Variants in KIRREL3 observed in about 807,000 individuals in gnomAD.
The protein encoded by KIRREL3 is kin of IRRE-like protein 3.
A neutral mutation model predicts 89.7 loss-of-function variants in KIRREL3; 36 were observed. That is an observed-to-expected ratio of 0.40 (90% confidence interval 0.31 to 0.53). KIRREL3 has a LOEUF of 0.53. Among genes scored for constraint, KIRREL3 ranks in the 20% least tolerant of loss-of-function variants. The pLI, the probability that KIRREL3 is intolerant of heterozygous loss-of-function variation, is 0.49. For synonymous variants in KIRREL3, 445 were observed against 441.4 expected, an observed-to-expected ratio of 1.01 and a Z score of -0.10; for missense variants, 864 against 1,056.6, an observed-to-expected ratio of 0.82 and a Z score of 2.53.
In KIRREL3 at chr11:126,578,388, A is replaced by C. The variant is rs1341172300; in HGVS notation, c.56-15476T>G. 6.6e-6 allele frequency among the ~76,000 whole-genome samples: 1 copy of C among 152,202 alleles called. No individual in the cohort carries two copies. The highest frequency in any genetic ancestry group is 1.5e-5 in the Non-Finnish European group (1 of 68,034). On this transcript the variant is annotated intron_variant, in intron 1 of 16. Transcript: ENST00000525144. The surrounding 1 kb of genome is among the most constrained non-coding windows in gnomAD (Gnocchi z 4.9). ...ATTCATTGGAAGAGATCCTTGGTTC[A>C]CACGCTAGGAAAGAAAAGGGATGAT...
chr11:126,592,897 C>T (rs12274829), intron 1 of KIRREL3, among the ~76,000 whole-genome samples: 1,561 of 152,068 alleles, frequency 0.01, 25 homozygotes, highest in African/African-American at 0.036. Context: ...TGCAGGCTGC[C>T]GCTGGGAGCA....
chr11:126,478,650 T>C (rs1025885234), intron 4 of KIRREL3, among the ~76,000 whole-genome samples: 5 of 129,240 alleles, frequency 3.9e-5, no homozygotes, highest in East Asian at 1.9e-4. Context: ...TGTGTGTATG[T>C]ATGTGTATAT....
At position 126,642,688 on chromosome 11, in the gene KIRREL3, T is replaced by C. The variant is rs974866270; in HGVS notation, c.56-79776A>G. Among the ~76,000 whole-genome samples the C allele has an allele frequency of 2.6e-5, 4 of 152,122 alleles. No individual in the cohort carries two copies. Among genetic ancestry groups the C allele is most frequent in the East Asian group, 1.9e-4 (1 of 5,194 alleles). ...GGAAAGTGGTTACGGCAGATTGCAA[T>C]TGTAGGAGGAATGACACAAAAGGGG... On this transcript the variant is annotated intron_variant, in intron 1 of 16. Transcript: ENST00000525144. This position sits in a 1 kb window ranked among gnomAD's most constrained non-coding sequence, Gnocchi z 4.9.
At chr11:126,488,256 C>A (rs1041407973) in intron 4 of KIRREL3, among the ~76,000 whole-genome samples, 1 of 152,230 alleles carries the variant, frequency 6.6e-6, no homozygotes, top group African/African-American at 2.4e-5. Flanking sequence ...CAGGCCCCTG[C>A]ATCTCCAGCC....
rs78834818 is a variant in KIRREL3 at position 126,969,047 on chromosome 11, G to A, written c.55+31408C>T. On this transcript the variant is annotated intron_variant, in intron 1 of 16. Transcript: ENST00000525144. The surrounding 1 kb of genome is among the most constrained non-coding windows in gnomAD (Gnocchi z 4.9). ...GCCTCTCCTTGCATAGATGTCAGAA[G>A]TAACACTTCAGGCGGGGGCGTCTGA... 4.4e-4 allele frequency among the ~76,000 whole-genome samples: 67 copies of A among 152,302 alleles called. No individual in the cohort carries two copies. In the East Asian group the frequency reaches 0.012, roughly 27 times the overall value.
rs2134687754 is a variant in KIRREL3, at chr11:126,875,670, A to G, written c.55+124785T>C. Among the ~76,000 whole-genome samples, 3 of 152,364 alleles carry G rather than the reference A, an allele frequency of 2.0e-5. No homozygotes were observed. The South Asian group carries it at 6.2e-4, about 32-fold the overall frequency. On this transcript the variant is annotated intron_variant, in intron 1 of 16. Coordinates refer to ENST00000525144, the MANE Select transcript of KIRREL3 (RefSeq NM_032531.4). The stretch of plus-strand genomic sequence containing the variant: ...CCATCCAGTGGGCTTTCTAGCAAGC[A>G]TTCAAAGTGACAGTGCTCTGGATAA...
chr11:126,760,957 A>G (rs1400336352), intron 1 of KIRREL3, among the ~76,000 whole-genome samples: 1 of 152,220 alleles, frequency 6.6e-6, no homozygotes, highest in Non-Finnish European at 1.5e-5. Flanking sequence ...GAGTGGTTAG[A>G]GAAGGCTTTA....
chr11:126,933,166 A>G (rs147770639), intron 1 of KIRREL3, among the ~76,000 whole-genome samples: 1 of 152,338 alleles, frequency 6.6e-6, no homozygotes, highest in African/African-American at 2.4e-5. Context: ...TCACAGGACA[A>G]AGGAAAAATG....
chr11:126,567,804 GCTGGTTGC>G (rs1479069571), intron 1 of KIRREL3, among the ~76,000 whole-genome samples: 1 of 150,602 alleles, frequency 6.6e-6, no homozygotes, highest in Non-Finnish European at 1.5e-5. Context: ...GACAGCACTT[GCTGGTTGC>G]CTGGTTGCCC....
chr11:126,775,041 C>A (rs1398062280), intron 1 of KIRREL3, among the ~76,000 whole-genome samples: 1 of 152,164 alleles, frequency 6.6e-6, no homozygotes. Context: ...CCCTAATATG[C>A]AACTGGTAAC....
In KIRREL3 at chr11:126,645,645, T is replaced by C. The variant is rs148813956; in HGVS notation, c.56-82733A>G. Among the ~76,000 whole-genome samples the C allele has an allele frequency of 2.4e-3, 369 of 152,280 alleles. 2 individuals are homozygous for C. The highest frequency in any genetic ancestry group is 8.6e-3 in the African/African-American group (358 of 41,560). ...TTCTAGGTTTCTGAAGAAGAAAAGG[T>C]AAGAAGGACTCTCAAAGCCTTTGTT... On this transcript the variant is annotated intron_variant, in intron 1 of 16. Transcript: ENST00000525144. This position sits in a 1 kb window ranked among gnomAD's most constrained non-coding sequence, Gnocchi z 4.9.
intron 1 of KIRREL3, among the ~76,000 whole-genome samples, chr11:126,862,910 A>G (rs1241681167): frequency 2.0e-5 from 3 of 152,204 alleles, no homozygotes; most frequent in Non-Finnish European, 4.4e-5. Flanking sequence ...GCAGTTTCTC[A>G]CCGTGGCTTT....
chr11:126,445,193 G>A, intron 9 of KIRREL3, 88 bp from the exon 10 acceptor site: 1 of 1,518,384 alleles, frequency 6.6e-7, no homozygotes, highest in African/African-American at 1.4e-5. Context: ...AGGCTGGCCT[G>A]GGGTAACTGA....
At position 126,449,114 on chromosome 11, in the gene KIRREL3, C is replaced by A; in HGVS notation, c.892G>T (p.Val298Leu). The A allele has an allele frequency of 6.2e-7, 1 of 1,614,006 alleles. No individual in the cohort carries two copies. Residue 298 changes from valine to leucine, a missense_variant, in exon 8 of 17, where the codon GTG (valine) becomes TTG (leucine). By Grantham distance (32) the Val-to-Leu change is conservative. Transcript: ENST00000525144. ...GTGTAGTCCACTGTGGTCCTGTACA[C>A]CTCTCCAGATGCCTCCTTGATGATC... ...GQIIKEASGE[V>L]YRTTVDYTYF...
intron 1 of KIRREL3, among the ~76,000 whole-genome samples, chr11:126,899,763 C>T (rs920295437): frequency 3.3e-5 from 5 of 152,244 alleles, no homozygotes; most frequent in Non-Finnish European, 7.3e-5. Flanking sequence ...GCTAGTGAAG[C>T]AGCTGCCCCT....
At position 126,441,548 on chromosome 11, in the gene KIRREL3, C is replaced by T. The variant is rs1271775218; in HGVS notation, c.1253-999G>A. 6.6e-6 allele frequency among the ~76,000 whole-genome samples: 1 copy of T among 152,208 alleles called. No individual in the cohort carries two copies. Among genetic ancestry groups the T allele is most frequent in the Non-Finnish European group, 1.5e-5 (1 of 68,040 alleles). On this transcript the variant is annotated intron_variant, in intron 10 of 16. Transcript: ENST00000525144. The surrounding 1 kb of genome is among the most constrained non-coding windows in gnomAD (Gnocchi z 5.0). ...GACGGAAACTGTCATGCTCCCTTTC[C>T]AATCCCTGGGGTCACAGTTGGGACT...
chr11:126,656,561 A>T lies in KIRREL3; in HGVS notation c.56-93649T>A, dbSNP rs1334561374. 6.6e-6 allele frequency among the ~76,000 whole-genome samples: 1 copy of T among 152,204 alleles called. No individual in the cohort carries two copies. Among genetic ancestry groups the T allele is most frequent in the Non-Finnish European group, 1.5e-5 (1 of 68,044 alleles). ...TGACAGTGGTTGCGTGCTCCTGGGCACCGCCTGCCCAGCCCCTGCACTGAT... is the reference window on the plus strand; with the variant it reads ...TGACAGTGGTTGCGTGCTCCTGGGCTCCGCCTGCCCAGCCCCTGCACTGAT... On this transcript the variant is annotated intron_variant, in intron 1 of 16. Transcript: ENST00000525144. The surrounding 1 kb of genome is among the most constrained non-coding windows in gnomAD (Gnocchi z 4.0).
At chr11:126,560,121 G>A (rs1377819624) in intron 2 of KIRREL3, among the ~76,000 whole-genome samples, 2 of 152,210 alleles carry the variant, frequency 1.3e-5, no homozygotes, top group African/African-American at 2.4e-5. Flanking sequence ...TAAAGCACAT[G>A]TGCTTAATCA....
In KIRREL3 at chr11:126,489,455, T is replaced by C. The variant is rs368155750; in HGVS notation, c.434-15989A>G. Among the ~76,000 whole-genome samples the C allele has an allele frequency of 7.9e-5, 12 of 152,124 alleles. No individual in the cohort carries two copies. Among genetic ancestry groups the C allele is most frequent in the African/African-American group, 2.2e-4 (9 of 41,422 alleles). ...TTGGGAGGCGCAGATCTAGGACACA[T>C]TGATAAGCATGGAGTGTCAACTATG... is the stretch of plus-strand genomic sequence containing the variant. On this transcript the variant is annotated intron_variant, in intron 4 of 16. Transcript: ENST00000525144. The surrounding 1 kb of genome is among the most constrained non-coding windows in gnomAD (Gnocchi z 5.5).
Sources: gnomAD v4.1 joint callset for allele counts (sites outside exome capture counted in the v4.1 genomes callset) on GRCh38, gnomAD v4.1.1 for gene constraint, Gnocchi (gnomAD v3.1) non-coding constraint, MANE v1.5 for transcripts, NCBI Gene and HGNC (gene_info 2026-07-23, HGNC 2026-07-21) for gene names.